Variants in ANKRD1 observed in about 807,000 individuals in gnomAD.
ANKRD1 encodes ankyrin repeat domain 1, also known as ankyrin repeat domain-containing protein 1.
In ANKRD1, 32 loss-of-function variants were observed where a neutral mutation model predicts 40.1. The observed-to-expected ratio is 0.80, with a 90% CI of 0.60 to 1.07. ANKRD1 has a LOEUF of 1.07. Ranked by LOEUF, ANKRD1 falls within the 50% of genes least tolerant of loss-of-function variation. The pLI, the probability that ANKRD1 is intolerant of heterozygous loss-of-function variation, is 0.00. For missense variants in ANKRD1, 359 were observed against 386.0 expected (o/e 0.93, Z 0.59); for synonymous variants, 149 against 141.2 (o/e 1.06, Z -0.39).
intron 2 of ANKRD1, 104 bp downstream of exon 2, chr10:90,920,065 A>T: frequency 1.3e-6 from 2 of 1,492,252 alleles, no homozygotes; most frequent in Non-Finnish European, 1.9e-6. Context: ...TGGTAAAGAG[A>T]CATCTTAATG....
In ANKRD1 at chr10:90,912,882, C is replaced by T. The variant is rs746392266; in HGVS notation, c.944G>A (p.Arg315His). The T allele has an allele frequency of 2.4e-5, 39 of 1,613,700 alleles. No individual in the cohort carries two copies. The highest frequency in any genetic ancestry group is 1.8e-4 in the Admixed American group (11 of 59,990). ...SLRENSYKTS[R>H]IATF ...TCGTTTGCCTCAGAATGTAGCTATGCGAGAGGTCTTGTAGGAGTTCTCTCT... is the reference window on the plus strand; with the variant it reads ...TCGTTTGCCTCAGAATGTAGCTATGTGAGAGGTCTTGTAGGAGTTCTCTCT... Residue 315 changes from arginine to histidine, a missense_variant, in exon 9 of 9, where the codon CGC becomes CAC. Transcript: ENST00000371697.
rs1018718576 is a variant in ANKRD1 at position 90,915,631 on chromosome 10, G to C, written c.761C>G (p.Thr254Ser). The C allele has an allele frequency of 1.9e-6, 3 of 1,613,942 alleles. No homozygotes were observed. The highest frequency in any genetic ancestry group is 2.5e-6 in the Non-Finnish European group (3 of 1,179,956). Residue 254 changes from threonine (T) to serine (S), a missense_variant, in exon 8 of 9, where the codon ACC becomes AGC. Coordinates refer to ENST00000371697, the MANE Select transcript of ANKRD1 (RefSeq NM_014391.3). Reference sequence around the variant, plus strand: ...CAGTCTCACCGCATCATGCAACGGGGTATCTCCTTCCTAGAGAAGCAGAGT... The same window carrying C: ...CAGTCTCACCGCATCATGCAACGGGCTATCTCCTTCCTAGAGAAGCAGAGT... Reference protein sequence around the residue: ...DLNAKDREGDTPLHDAVRLNR... With the variant: ...DLNAKDREGDSPLHDAVRLNR...
chr10:90,919,050 A>G (rs1589510261), intron 3 of ANKRD1, 78 bp from the exon 4 acceptor site: 4 of 1,593,860 alleles, frequency 2.5e-6, no homozygotes, highest in Admixed American at 1.7e-5. Flanking sequence ...CCAGCATTCA[A>G]TCAAACCCTC....
At chr10:90,914,290 C>T (rs990440764) in intron 8 of ANKRD1, among the ~76,000 whole-genome samples, 1 of 152,034 alleles carries the variant, frequency 6.6e-6, no homozygotes, top group African/African-American at 2.4e-5. Context: ...TAATTCAGAA[C>T]CCTAAGCCGT....
Position 90,915,894 on chromosome 10 carries a change from A to G in ANKRD1, c.652-14T>C, listed in dbSNP as rs764243789. On this transcript the variant is annotated splice_polypyrimidine_tract_variant and intron_variant, in intron 6 of 8. Transcript: ENST00000371697. ...TGTGCTGAGCAACTGGAAAATTGGAAAACGCTGCTGATTCGCTAGGAATGA... is the reference window on the plus strand; with the variant it reads ...TGTGCTGAGCAACTGGAAAATTGGAGAACGCTGCTGATTCGCTAGGAATGA... 81 of 1,563,456 alleles carry G rather than the reference A, an allele frequency of 5.2e-5. No homozygotes were observed. Among genetic ancestry groups the G allele is most frequent in the Non-Finnish European group, 6.6e-5 (77 of 1,158,948 alleles).
chr10:90,913,093 G>A (rs1470425688), intron 8 of ANKRD1, 117 bp from the exon 9 acceptor site: 1 of 953,126 alleles, frequency 1.0e-6, no homozygotes, highest in Admixed American at 1.9e-5. Context: ...GTGTTTTATG[G>A]TTTCCACCAG....
At position 90,912,628 on chromosome 10, in the gene ANKRD1, G is replaced by T. The variant is rs1261020920; in HGVS notation, c.*238C>A. ...GCTCACCAGATGGATGATCATGAAG[G>T]TCTGAATATCAGTAGCGTGGCAGTA... is the stretch of plus-strand genomic sequence containing the variant. On this transcript the variant is annotated 3_prime_UTR_variant, in exon 9 of 9. Transcript: ENST00000371697. The T allele has an allele frequency of 2.2e-6, 1 of 446,796 alleles. No homozygotes were observed. Among genetic ancestry groups the T allele is most frequent in the Non-Finnish European group, 4.1e-6 (1 of 241,818 alleles). The allele number at this position is 446,796 out of a possible 1,614,324, so 27.7% of individuals were successfully genotyped here. A position where few individuals can be genotyped will look rare whatever the true frequency, so the allele number is the denominator to read the frequency against.
At chr10:90,916,113 G>A in intron 6 of ANKRD1, 58 bp downstream of exon 6, 10 of 1,104,734 alleles carry the variant, frequency 9.1e-6, no homozygotes, top group Non-Finnish European at 1.3e-5. Flanking sequence ...AAGTGGAGAA[G>A]GATGGGGGAC....
At chr10:90,919,072 G>T (rs1589510269) in intron 3 of ANKRD1, 59 bp downstream of exon 3, 1 of 1,603,638 alleles carries the variant, frequency 6.2e-7, no homozygotes, top group African/African-American at 1.4e-5. Context: ...ACAGATATTT[G>T]CTCCCCTGTA....
chr10:90,916,829 A>G (rs140705765), intron 5 of ANKRD1, among the ~76,000 whole-genome samples: 71 of 152,318 alleles, frequency 4.7e-4, no homozygotes, highest in African/African-American at 1.5e-3. Context: ...CTGACACCTC[A>G]TCTAGGGTCC....
rs780645558 is a variant in ANKRD1, at chr10:90,912,952, C to G, written c.874G>C (p.Val292Leu). 6.2e-7 allele frequency: 1 copy of G among 1,613,956 alleles called. No homozygotes were observed. The highest frequency in any genetic ancestry group is 1.3e-5 in the African/African-American group (1 of 74,920). The change falls in exon 9 of 9, where the codon GTG becomes CTG. Residue 292 changes from valine (V) to leucine (L), a missense_variant. Physicochemically the swap from Val to Leu is conservative, Grantham distance 32. Coordinates refer to ENST00000371697, the MANE Select transcript of ANKRD1 (RefSeq NM_014391.3). Reference sequence around the variant, plus strand: ...TTGGTTCCATTCTGCCAGTGTAGCACCAGATCCATCGGCGTCTTCCCAGCC... The same window carrying G: ...TTGGTTCCATTCTGCCAGTGTAGCAGCAGATCCATCGGCGTCTTCCCAGCC... ...NCAGKTPMDL[V>L]LHWQNGTKAI...
intron 8 of ANKRD1, among the ~76,000 whole-genome samples, 182 bp downstream of exon 8, chr10:90,915,361 C>T (rs942840105): frequency 1.3e-5 from 2 of 152,190 alleles, no homozygotes; most frequent in Non-Finnish European, 2.9e-5. Flanking sequence ...CTTCCCTCAT[C>T]TCTGGCCATG....
At chr10:90,917,609 C>T in intron 5 of ANKRD1, 123 bp downstream of exon 5, 1 of 802,482 alleles carries the variant, frequency 1.2e-6, no homozygotes, top group South Asian at 1.6e-5. Context: ...GAGAAATGAG[C>T]TTTTGCCTAG....
chr10:90,918,336 A>G (rs976330405), intron 4 of ANKRD1, among the ~76,000 whole-genome samples: 3 of 152,176 alleles, frequency 2.0e-5, no homozygotes, highest in Non-Finnish European at 4.4e-5. Context: ...GCTTTATTTG[A>G]ATGGGCTAAT....
Position 90,918,966 on chromosome 10 carries a change from G to A in ANKRD1, c.352C>T (p.Pro118Ser). 6.3e-7 allele frequency: 1 copy of A among 1,587,734 alleles called. No homozygotes were observed. Residue 118 changes from proline (P) to serine (S), a missense_variant, in exon 4 of 9, where the codon CCT (proline) becomes TCT (serine). Physicochemically the swap from Pro to Ser is moderately conservative, Grantham distance 74 (BLOSUM62 -1). Transcript: ENST00000371697. ...TTCAGAAACGTAGGCACATCCACAG[G>A]TTCCGTCTAAAGCCAAAATAAATAA... ...KEPEPEIITE[P>S]VDVPTFLKAA...
chr10:90,915,701 A>G (rs1847361412), intron 7 of ANKRD1, 60 bp from the exon 8 acceptor site: 3 of 1,608,676 alleles, frequency 1.9e-6, no homozygotes, highest in South Asian at 2.2e-5. Context: ...GGGTCCTGCA[A>G]GGGCACCCAG....
At chr10:90,914,110 C>T (rs1564573329) in intron 8 of ANKRD1, among the ~76,000 whole-genome samples, 2 of 152,226 alleles carry the variant, frequency 1.3e-5, no homozygotes, top group Admixed American at 6.5e-5. Flanking sequence ...TCTCTAGGAA[C>T]AATCATCAGT....
In ANKRD1 at chr10:90,920,262, A is replaced by T; in HGVS notation, c.114T>A (p.Thr38=). ...FRDGEYEAAV[T]LEKQEDLKTL... ...TCTTCAGATCCTCCTGCTTCTCTAA[A>T]GTAACAGCAGCTTCATACTCTCCAT... is the stretch of plus-strand genomic sequence containing the variant. The change falls in exon 2 of 9, where the codon ACT becomes ACA. Residue 38 remains threonine, a synonymous_variant. Coordinates refer to ENST00000371697, the MANE Select transcript of ANKRD1 (RefSeq NM_014391.3). 1 of 1,614,070 alleles carries T rather than the reference A, an allele frequency of 6.2e-7. No homozygotes were observed. The highest frequency in any genetic ancestry group is 8.5e-7 in the Non-Finnish European group (1 of 1,180,006).
chr10:90,915,674 G>A, intron 7 of ANKRD1, 33 bp from the exon 8 acceptor site: 2 of 1,609,704 alleles, frequency 1.2e-6, no homozygotes, highest in Non-Finnish European at 1.7e-6. Flanking sequence ...TTCAAGGTGG[G>A]TCTGAGGCCA....
Sources: allele counts gnomAD v4.1 joint callset (sites outside exome capture counted in the v4.1 genomes callset), GRCh38; gene constraint gnomAD v4.1.1; transcripts MANE v1.5; gene names NCBI Gene and HGNC (gene_info 2026-07-23, HGNC 2026-07-21).